Variants in PLEKHA1 observed in about 807,000 individuals in gnomAD.
PLEKHA1 encodes pleckstrin homology domain-containing family A member 1.
PLEKHA1 carries 34 observed loss-of-function variants against 52.0 expected under a neutral mutation model. The observed-to-expected ratio is 0.65, with a 90% CI of 0.50 to 0.87. The LOEUF (loss-of-function observed/expected upper bound fraction) is 0.87. Among genes scored for constraint, PLEKHA1 ranks in the 40% least tolerant of loss-of-function variants. PLEKHA1 has a pLI of 0.00. For missense variants in PLEKHA1, 497 were observed against 504.2 expected, an observed-to-expected ratio of 0.99 and a Z score of 0.14; for synonymous variants, 163 against 170.7, an observed-to-expected ratio of 0.95 and a Z score of 0.35.
At position 122,420,281 on chromosome 10, in the gene PLEKHA1, A is replaced by G. The variant is rs548751210; in HGVS notation, c.681+2313A>G. 12 of 152,340 alleles carry G rather than the reference A, an allele frequency of 7.9e-5. No individual in the cohort carries two copies. The East Asian group carries it at 2.1e-3, about 27-fold the overall frequency. 9.4% of individuals were successfully genotyped at this position (152,340 alleles called of 1,614,324 possible). On this transcript the variant is annotated intron_variant, in intron 8 of 11. Coordinates refer to ENST00000368990, the MANE Select transcript of PLEKHA1 (RefSeq NM_001001974.4). The stretch of plus-strand genomic sequence containing the variant: ...TCTTGTCTATATTTTTCTTTTTTAT[A>G]TATGCTCAAGAATAATATATGATAA...
chr10:122,406,603 TC>T lies in PLEKHA1; in HGVS notation c.274del (p.Leu92TyrfsTer9). The T allele has an allele frequency of 6.2e-7, 1 of 1,613,104 alleles. No individual in the cohort carries two copies. Among genetic ancestry groups the T allele is most frequent in the South Asian group, 1.1e-5 (1 of 91,044 alleles). On this transcript the variant is annotated frameshift_variant, in exon 5 of 12. Transcript: ENST00000368990. LOFTEE classifies it high-confidence loss of function. Reference protein sequence around the residue: ...FVMNAGMRKYFLQANDQQDLV... With the variant: ...FVMNAGMRKYXLQANDQQDLV... ...ATGAATGCAGGAATGAGGAAGTACT[TC>T]CTACAAGCCAATGATCAGCAGGACC...
At chr10:122,416,083 C>T in intron 7 of PLEKHA1, 81 bp downstream of exon 7, 1 of 1,438,180 alleles carries the variant, frequency 7.0e-7, no homozygotes, top group Non-Finnish European at 9.3e-7. Context: ...AAATTGTTTG[C>T]TTTATTTTAT....
chr10:122,387,020 A>T (rs2096709368), intron 1 of PLEKHA1: 1 of 152,176 alleles, frequency 6.6e-6, no homozygotes, highest in East Asian at 1.9e-4. Context: ...TAATGTCTAT[A>T]GGGTGTGTAG....
chr10:122,392,314 C>G (rs1221873669), intron 1 of PLEKHA1: 1 of 151,136 alleles, frequency 6.6e-6, no homozygotes, highest in Non-Finnish European at 1.5e-5. Context: ...CTGGCTCTTG[C>G]TGATTGAATT....
intron 1 of PLEKHA1, among the ~76,000 whole-genome samples, chr10:122,376,561 C>A (rs2096540895): frequency 6.6e-6 from 1 of 150,404 alleles, no homozygotes; most frequent in Non-Finnish European, 1.5e-5. Flanking sequence ...ATACACACCG[C>A]GCGGGCGCGC....
chr10:122,390,811 C>T (rs1016647460), intron 1 of PLEKHA1, among the ~76,000 whole-genome samples: 1 of 125,550 alleles, frequency 8.0e-6, no homozygotes, highest in African/African-American at 2.7e-5. Context: ...GTGTGTGTAC[C>T]TAGGAGTAGA....
chr10:122,410,393 A>G (rs2097091251), intron 5 of PLEKHA1, among the ~76,000 whole-genome samples: 1 of 152,196 alleles, frequency 6.6e-6, no homozygotes, highest in Non-Finnish European at 1.5e-5. Context: ...AGTGTCTGAC[A>G]TGTGCCAACT....
chr10:122,398,046 C>A, intron 3 of PLEKHA1, 72 bp downstream of exon 3: 1 of 1,259,548 alleles, frequency 7.9e-7, no homozygotes, highest in Non-Finnish European at 1.1e-6. Context: ...ATAGAAGCAG[C>A]AGTTTCCTTT....
At chr10:122,394,683 G>C (rs1212037465) in intron 2 of PLEKHA1, among the ~76,000 whole-genome samples, 1 of 152,174 alleles carries the variant, frequency 6.6e-6, no homozygotes, top group Non-Finnish European at 1.5e-5. Context: ...ACTAATGTGT[G>C]TATGTTTATT....
chr10:122,398,125 A>C, intron 3 of PLEKHA1, 151 bp downstream of exon 3: 1 of 581,544 alleles, frequency 1.7e-6, no homozygotes, highest in Non-Finnish European at 3.0e-6. Flanking sequence ...TACGTTTAGG[A>C]AATTCTTTAA....
Position 122,415,997 on chromosome 10 carries a change from G to T in PLEKHA1, c.607G>T (p.Ala203Ser). The T allele has an allele frequency of 6.2e-7, 1 of 1,609,282 alleles. No individual in the cohort carries two copies. Among genetic ancestry groups the T allele is most frequent in the Non-Finnish European group, 8.5e-7 (1 of 1,178,302 alleles). The change falls in exon 7 of 12, where the codon GCA (alanine) becomes TCA (serine). Residue 203 changes from alanine to serine, a missense_variant. Coordinates refer to ENST00000368990, the MANE Select transcript of PLEKHA1 (RefSeq NM_001001974.4). ...IKAGYCVKQG[A>S]VMKNWKRRYF... The stretch of plus-strand genomic sequence containing the variant: ...AGCTGGATATTGTGTAAAACAAGGA[G>T]CAGTGGTGAGTAGCTTAACAAAATA...
At chr10:122,424,682 C>A (rs2097311877) in intron 9 of PLEKHA1, among the ~76,000 whole-genome samples, 1 of 152,118 alleles carries the variant, frequency 6.6e-6, no homozygotes, top group South Asian at 2.1e-4. Context: ...AAACTCTGAA[C>A]TTTAAAGTTG....
intron 5 of PLEKHA1, among the ~76,000 whole-genome samples, chr10:122,410,756 C>T (rs373932198): frequency 3.3e-5 from 5 of 152,190 alleles, no homozygotes; most frequent in East Asian, 1.9e-4. Context: ...ATATAAATTT[C>T]GGTATTTTTT....
At chr10:122,382,749 C>T (rs896527623) in intron 1 of PLEKHA1, among the ~76,000 whole-genome samples, 52 of 152,150 alleles carry the variant, frequency 3.4e-4, no homozygotes, top group African/African-American at 1.2e-3. Flanking sequence ...TTTTCTCTCA[C>T]TGTGAAAGTC....
chr10:122,426,832 A>C (rs747412283), intron 10 of PLEKHA1, 110 bp from the exon 11 acceptor site: 42 of 987,592 alleles, frequency 4.3e-5, no homozygotes, highest in Non-Finnish European at 5.5e-5. Context: ...GTTGCCTTAG[A>C]GTGATTTTGT....
chr10:122,415,235 A>G (rs1023258604), intron 6 of PLEKHA1, among the ~76,000 whole-genome samples: 2 of 152,208 alleles, frequency 1.3e-5, no homozygotes, highest in East Asian at 3.8e-4. Flanking sequence ...TTCCATTTAC[A>G]TTACATTTTC....
chr10:122,378,650 C>T (rs1244978001), intron 1 of PLEKHA1, among the ~76,000 whole-genome samples: 1 of 151,614 alleles, frequency 6.6e-6, no homozygotes, highest in African/African-American at 2.4e-5. Context: ...GTAGGAGGAT[C>T]CCTTGAGCCT....
chr10:122,390,273 C>G (rs1019003772), intron 1 of PLEKHA1, among the ~76,000 whole-genome samples: 2 of 152,182 alleles, frequency 1.3e-5, no homozygotes, highest in Admixed American at 1.3e-4. Flanking sequence ...GATGTTCTGT[C>G]GAGACCAGTA....
At chr10:122,388,271 TG>T (rs773942105) in intron 1 of PLEKHA1, among the ~76,000 whole-genome samples, 1 of 152,232 alleles carries the variant, frequency 6.6e-6, no homozygotes, top group Non-Finnish European at 1.5e-5. Context: ...TGTACCTTTT[TG>T]TTGGTGGCTT....
Sources: allele counts gnomAD v4.1 joint callset (sites outside exome capture counted in the v4.1 genomes callset), GRCh38; gene constraint gnomAD v4.1.1; transcripts MANE v1.5; gene names NCBI Gene and HGNC (gene_info 2026-07-23, HGNC 2026-07-21).